HDAC4: variants seen among roughly 807,000 people sequenced by gnomAD.
The protein encoded by HDAC4 is histone deacetylase A.
A neutral mutation model predicts 135.1 loss-of-function variants in HDAC4; 16 were observed. The observed-to-expected ratio is 0.12, with a 90% CI of 0.08 to 0.18. HDAC4 has a LOEUF of 0.18. HDAC4 is among the 10% of genes least tolerant of loss of function. The pLI, the probability that HDAC4 is intolerant of heterozygous loss-of-function variation, is 1.00. For missense variants in HDAC4, 1,143 were observed against 1,511.8 expected, an observed-to-expected ratio of 0.76 and a Z score of 4.05; for synonymous variants, 685 against 653.4, an observed-to-expected ratio of 1.05 and a Z score of -0.74.
chr2:239,148,480 G>T (rs1292465758), intron 7 of HDAC4, among the ~76,000 whole-genome samples: 3 of 152,168 alleles, frequency 2.0e-5, no homozygotes, highest in Non-Finnish European at 2.9e-5. Flanking sequence ...CCCACCTGCG[G>T]GATCCCAAAC....
chr2:239,118,495 C>T lies in HDAC4; in HGVS notation c.1534-3185G>A, dbSNP rs1036886690. ...AGGAGAGTGCAGCGGTGGGTGGCCGCGCGTCGGGAACAGGAACGTGCTGTC... is the reference window on the plus strand; with the variant it reads ...AGGAGAGTGCAGCGGTGGGTGGCCGTGCGTCGGGAACAGGAACGTGCTGTC... On this transcript the variant is annotated intron_variant, in intron 12 of 26. Transcript: ENST00000543185. Among the ~76,000 whole-genome samples, 4 of 152,052 alleles carry T rather than the reference C, an allele frequency of 2.6e-5. 1 individual carries two copies. Among genetic ancestry groups the T allele is most frequent in the South Asian group, 4.1e-4 (2 of 4,822 alleles).
At position 239,066,645 on chromosome 2, in the gene HDAC4, G is replaced by C. The variant is rs559518955; in HGVS notation, c.3003+77C>G. 4 of 1,603,356 alleles carry C rather than the reference G, an allele frequency of 2.5e-6. No homozygotes were observed. The African/African-American group carries it at 4.0e-5, about 16-fold the overall frequency. ...GACCCACTGGCTTTTTCATGCTCTGGGGCTCTCGGGCAGCCAGGCCACAAC... is the reference window on the plus strand; with the variant it reads ...GACCCACTGGCTTTTTCATGCTCTGCGGCTCTCGGGCAGCCAGGCCACAAC... On this transcript the variant is annotated intron_variant, in intron 24 of 26. Transcript: ENST00000543185.
chr2:239,093,492 G>A (rs1007282459), intron 17 of HDAC4, among the ~76,000 whole-genome samples: 1 of 152,196 alleles, frequency 6.6e-6, no homozygotes, highest in Non-Finnish European at 1.5e-5. Flanking sequence ...CCAGGGCAGG[G>A]GTCTGCACCG....
intron 2 of HDAC4, among the ~76,000 whole-genome samples, chr2:239,275,007 C>T (rs948185402): frequency 1.4e-4 from 22 of 152,242 alleles, no homozygotes; most frequent in Non-Finnish European, 1.5e-5. Flanking sequence ...AACAGATCAG[C>T]GGAGGGGCTT....
chr2:239,278,209 T>A (rs1436277397), intron 2 of HDAC4, among the ~76,000 whole-genome samples: 10 of 147,506 alleles, frequency 6.8e-5, no homozygotes, highest in Non-Finnish European at 1.2e-4. Context: ...AACAGACTGG[T>A]AACAAAGCAT....
Position 239,235,263 on chromosome 2 carries a change from CACCT to C in HDAC4, c.94+1326_94+1329del, listed in dbSNP as rs200564526. Among the ~76,000 whole-genome samples, 944 of 152,278 alleles carry C rather than the reference CACCT, an allele frequency of 6.2e-3. 18 individuals are homozygous for C. The East Asian group carries it at 0.084, about 14-fold the overall frequency. ...GAGCCTTCCCGGAGCAGGGCAAAGA[CACCT>C]CCAGAACTCCGGGTTTGGAAAATGA... On this transcript the variant is annotated intron_variant, in intron 3 of 26. Transcript: ENST00000543185.
chr2:239,125,551 G>A (rs2040124556), intron 12 of HDAC4, among the ~76,000 whole-genome samples: 1 of 152,204 alleles, frequency 6.6e-6, no homozygotes, highest in African/African-American at 2.4e-5. Flanking sequence ...GAATGCCTGA[G>A]TGAGTTTACG....
chr2:239,304,084 G>C (rs772102298), intron 2 of HDAC4, among the ~76,000 whole-genome samples: 5 of 152,190 alleles, frequency 3.3e-5, no homozygotes, highest in Admixed American at 6.5e-5. Flanking sequence ...TCCCCGACCC[G>C]TAAGCAGTTG....
intron 3 of HDAC4, among the ~76,000 whole-genome samples, chr2:239,219,686 C>CA (rs1419231883): frequency 6.6e-6 from 1 of 151,848 alleles, no homozygotes; most frequent in Non-Finnish European, 1.5e-5. Context: ...TCAGATTAGA[C>CA]GGGTAAAAAG....
chr2:239,234,290 C>T (rs984718075), intron 3 of HDAC4, among the ~76,000 whole-genome samples: 1 of 152,304 alleles, frequency 6.6e-6, no homozygotes, highest in South Asian at 2.1e-4. Flanking sequence ...GCCCACCAAC[C>T]CATGCCTGAA....
At chr2:239,206,487 A>G (rs1228043077) in intron 3 of HDAC4, among the ~76,000 whole-genome samples, 3 of 152,134 alleles carry the variant, frequency 2.0e-5, no homozygotes, top group Non-Finnish European at 2.9e-5. Context: ...AAAAATAACC[A>G]AGCTTGAATC....
chr2:239,227,617 G>T (rs1310793625), intron 3 of HDAC4, among the ~76,000 whole-genome samples: 2 of 152,202 alleles, frequency 1.3e-5, no homozygotes, highest in African/African-American at 4.8e-5. Context: ...AGAGAGAAGG[G>T]AAGACAGGCC....
chr2:239,282,389 CACAATGTACACACCACTCT>C (rs1270223990), intron 2 of HDAC4, among the ~76,000 whole-genome samples: 8 of 145,314 alleles, frequency 5.5e-5, no homozygotes, highest in African/African-American at 1.5e-4. Flanking sequence ...CCACTCTCCA[CACAATGTACACACCACTCT>C]ACAATGTACA....
intron 13 of HDAC4, 122 bp from the exon 14 acceptor site, chr2:239,111,834 G>T: frequency 1.1e-6 from 1 of 922,860 alleles, no homozygotes; most frequent in Non-Finnish European, 1.7e-6. Flanking sequence ...TGGGCCACAA[G>T]GATGCCGGGA....
chr2:239,357,715 C>T (rs1213503799), intron 1 of HDAC4, among the ~76,000 whole-genome samples: 1 of 144,186 alleles, frequency 6.9e-6, no homozygotes, highest in Non-Finnish European at 1.5e-5. Context: ...GAAACCCTGT[C>T]TCGACAAAAA....
At chr2:239,121,996 G>T (rs1160450759) in intron 12 of HDAC4, among the ~76,000 whole-genome samples, 1 of 152,232 alleles carries the variant, frequency 6.6e-6, no homozygotes, top group African/African-American at 2.4e-5. Context: ...GACACTGAGA[G>T]CCCCTTTCAT....
chr2:239,109,639 G>T (rs2038487928), intron 14 of HDAC4, among the ~76,000 whole-genome samples: 1 of 150,966 alleles, frequency 6.6e-6, no homozygotes, highest in African/African-American at 2.4e-5. Flanking sequence ...CAGGGTAGGT[G>T]CAGGCTTACA....
Position 239,238,001 on chromosome 2 carries a change from C to T in HDAC4, c.23-1337G>A, listed in dbSNP as rs973542687. ...GAGAAAGACCGGCAGGTCATAGTTA[C>T]ACCTTAGAAGCAACCACCAGACCTG... On this transcript the variant is annotated intron_variant, in intron 2 of 26. Transcript: ENST00000543185. 3.3e-5 allele frequency among the ~76,000 whole-genome samples: 5 copies of T among 152,288 alleles called. No individual in the cohort carries two copies. In the East Asian group the frequency reaches 9.6e-4, roughly 29 times the overall value.
chr2:239,399,344 C>T (rs1353144106), intron 1 of HDAC4, among the ~76,000 whole-genome samples: 2 of 152,068 alleles, frequency 1.3e-5, no homozygotes, highest in African/African-American at 4.8e-5. Flanking sequence ...TTTGTAACTG[C>T]TGTAGTGTAT....
Sources: gnomAD v4.1 joint callset for allele counts (sites outside exome capture counted in the v4.1 genomes callset) on GRCh38, gnomAD v4.1.1 for gene constraint, MANE v1.5 for transcripts, NCBI Gene and HGNC (gene_info 2026-07-23, HGNC 2026-07-21) for gene names.